NUDT18: variants seen among roughly 807,000 people sequenced by gnomAD.
NUDT18 encodes 8-oxo-dGDP phosphatase NUDT18.
Under a neutral mutation model 27.6 loss-of-function variants are expected in NUDT18, and 26 were observed. That is an observed-to-expected ratio of 0.94 (90% CI 0.69 to 1.31). The LOEUF is 1.31. Among genes scored for constraint, NUDT18 ranks in the 50% most tolerant of loss-of-function variants. NUDT18 has a pLI of 0.00. For missense variants in NUDT18, 450 were observed against 433.4 expected (o/e 1.04, Z -0.34); for synonymous variants, 220 against 196.9 (o/e 1.12, Z -0.98).
chr8:22,108,075 G>T, intron 2 of NUDT18, 58 bp downstream of exon 2: 1 of 1,433,388 alleles, frequency 7.0e-7, no homozygotes. Context: ...ACCTCACCGA[G>T]GAGCTGGGGG....
At chr8:22,108,905 G>A (rs750470013) in intron 1 of NUDT18, among the ~76,000 whole-genome samples, 53 of 152,232 alleles carry the variant, frequency 3.5e-4, no homozygotes, top group Admixed American at 1.2e-3. Flanking sequence ...AGACTCTGGG[G>A]AAGGGAAGGA....
Position 22,107,202 on chromosome 8 carries a change from A to AGATCCCT in NUDT18, c.*91_*97dup. 1 of 902,466 alleles carries AGATCCCT rather than the reference A, an allele frequency of 1.1e-6. No homozygotes were observed. The highest frequency in any genetic ancestry group is 1.7e-6 in the Non-Finnish European group (1 of 599,862). 55.9% of individuals were successfully genotyped at this position (902,466 alleles called of 1,614,324 possible). A position where few individuals can be genotyped will look rare whatever the true frequency, so the allele number is the denominator to read the frequency against. ...AGCCGCCCCTGCTCCCAATGCAACA[A>AGATCCCT]GATCCCTGATCGCCAGCCTCTTGCC... On this transcript the variant is annotated 3_prime_UTR_variant, in exon 3 of 3. Coordinates refer to ENST00000611621, the MANE Select transcript of NUDT18 (RefSeq NM_024815.4).
chr8:22,108,454 C>T (rs1826407723), intron 1 of NUDT18, 108 bp from the exon 2 acceptor site: 2 of 966,662 alleles, frequency 2.1e-6, no homozygotes, highest in East Asian at 2.8e-5. Flanking sequence ...TGGACACTCT[C>T]AACCCAGCTA....
At chr8:22,107,924 G>A in intron 2 of NUDT18, 29 bp from the exon 3 acceptor site, 6 of 1,527,160 alleles carry the variant, frequency 3.9e-6, no homozygotes, top group Non-Finnish European at 4.4e-6. Context: ...ATGGGGCAGG[G>A]AGGGTCTGTG....
chr8:22,108,128 C>A lies in NUDT18; in HGVS notation c.376+5G>T. ...CTGTTCACACTGCCTCCAGGTGGGC[C>A]ATACCTGTGGGGCGAGCGAGGAACA... On this transcript the variant is annotated splice_donor_5th_base_variant and intron_variant, in intron 2 of 2. Transcript: ENST00000611621. 1 of 1,506,438 alleles carries A rather than the reference C, an allele frequency of 6.6e-7. No homozygotes were observed. The highest frequency in any genetic ancestry group is 8.9e-7 in the Non-Finnish European group (1 of 1,127,934). 93.3% of individuals were successfully genotyped at this position (1,506,438 alleles called of 1,614,324 possible). A position where few individuals can be genotyped will look rare whatever the true frequency, so the allele number is the denominator to read the frequency against.
At position 22,108,177 on chromosome 8, in the gene NUDT18, C is replaced by T. The variant is rs764155632; in HGVS notation, c.332G>A (p.Arg111Gln). 2 of 1,570,400 alleles carry T rather than the reference C, an allele frequency of 1.3e-6. No homozygotes were observed. Among genetic ancestry groups the T allele is most frequent in the East Asian group, 2.3e-5 (1 of 43,606 alleles). ...EPETLLSVEE[R>Q]GPSWVRFVFL... ...CACGAAGCGGACCCAGGAGGGGCCC[C>T]GCTCCTCCACGGACAGCAGTGTCTC... Residue 111 changes from arginine (R) to glutamine (Q), a missense_variant, in exon 2 of 3, where the codon CGG becomes CAG. Arg to Gln is a conservative substitution (Grantham distance 43). Coordinates refer to ENST00000611621, the MANE Select transcript of NUDT18 (RefSeq NM_024815.4).
In NUDT18 at chr8:22,109,342, A is replaced by C. The variant is rs769967120; in HGVS notation, c.-42T>G. 20 of 1,325,174 alleles carry C rather than the reference A, an allele frequency of 1.5e-5. No homozygotes were observed. The South Asian group carries it at 3.7e-4, about 24-fold the overall frequency. 82.1% of individuals were successfully genotyped at this position (1,325,174 alleles called of 1,614,324 possible). The stretch of plus-strand genomic sequence containing the variant: ...CGGCGGGCCGGATCCTCGCAGACCG[A>C]CTGAGCCGAGCCGCGGGCTAGAGTG... On this transcript the variant is annotated 5_prime_UTR_variant, in exon 1 of 3. Transcript: ENST00000611621.
Position 22,108,193 on chromosome 8 carries a change from G to T in NUDT18, c.316C>A (p.Leu106Met). ...GAGGGGCCCCGCTCCTCCACGGACA[G>T]CAGTGTCTCGGGCTCACAGTGCAGC... is the stretch of plus-strand genomic sequence containing the variant. ...AGLHCEPETL[L>M]SVEERGPSWV... The change falls in exon 2 of 3, where the codon CTG becomes ATG. Residue 106 changes from leucine (L) to methionine (M), a missense_variant. Physicochemically the swap from Leu to Met is conservative, Grantham distance 15. Transcript: ENST00000611621. 6.3e-7 allele frequency: 1 copy of T among 1,586,868 alleles called. No homozygotes were observed. The highest frequency in any genetic ancestry group is 1.8e-5 in the Admixed American group (1 of 55,138).
chr8:22,108,181 C>T lies in NUDT18; in HGVS notation c.328G>A (p.Glu110Lys), dbSNP rs887280786. 3.8e-6 allele frequency: 6 copies of T among 1,576,690 alleles called. No homozygotes were observed. Among genetic ancestry groups the T allele is most frequent in the Non-Finnish European group, 5.2e-6 (6 of 1,162,716 alleles). Reference sequence around the variant, plus strand: ...AAGCGGACCCAGGAGGGGCCCCGCTCCTCCACGGACAGCAGTGTCTCGGGC... The same window carrying T: ...AAGCGGACCCAGGAGGGGCCCCGCTTCTCCACGGACAGCAGTGTCTCGGGC... ...CEPETLLSVE[E>K]RGPSWVRFVF... Residue 110 changes from glutamate (E) to lysine (K), a missense_variant, in exon 2 of 3, where the codon GAG (glutamate) becomes AAG (lysine). Coordinates refer to ENST00000611621, the MANE Select transcript of NUDT18 (RefSeq NM_024815.4).
Position 22,107,411 on chromosome 8 carries a change from G to C in NUDT18, c.861C>G (p.Pro287=). The C allele has an allele frequency of 1.2e-6, 2 of 1,613,442 alleles. No homozygotes were observed. Among genetic ancestry groups the C allele is most frequent in the Non-Finnish European group, 1.7e-6 (2 of 1,179,856 alleles). The part of the protein sequence containing the change: ...AFRSPGIQDE[P]PKVRGENFSW... ...AGAAGTTCTCACCCCGAACTTTTGG[G>C]GGTTCATCCTGGATCCCTGGGCTCC... Residue 287 remains proline, a synonymous_variant, in exon 3 of 3, where the codon CCC becomes CCG. Coordinates refer to ENST00000611621, the MANE Select transcript of NUDT18 (RefSeq NM_024815.4).
At chr8:22,109,852 C>A (rs976403168), upstream of NUDT18, 1 of 418,860 alleles carries the variant, frequency 2.4e-6, no homozygotes, top group Non-Finnish European at 4.9e-6. Context: ...TTGATCATAT[C>A]CCAAATACCT....
At position 22,107,090 on chromosome 8, in the gene NUDT18, C is replaced by G. The variant is rs1189367229; in HGVS notation, c.*210G>C. On this transcript the variant is annotated 3_prime_UTR_variant, in exon 3 of 3. Coordinates refer to ENST00000611621, the MANE Select transcript of NUDT18 (RefSeq NM_024815.4). ...GCCCTCAGGGTAGTCAGGTCCTGAG[C>G]TTTGGACTCCTCGCTTGGTTAAAGG... 12 of 562,448 alleles carry G rather than the reference C, an allele frequency of 2.1e-5. No individual in the cohort carries two copies. Among genetic ancestry groups the G allele is most frequent in the Middle Eastern group, 4.7e-4 (1 of 2,122 alleles). The allele number at this position is 562,448 out of a possible 1,614,324, so 34.8% of individuals were successfully genotyped here. A position where few individuals can be genotyped will look rare whatever the true frequency, so the allele number is the denominator to read the frequency against.
upstream of NUDT18, among the ~76,000 whole-genome samples, chr8:22,110,365 AG>A (rs528705498): frequency 3.4e-3 from 511 of 152,356 alleles, 1 homozygote; most frequent in Non-Finnish European, 5.6e-3. Flanking sequence ...TGGAAGGCAA[AG>A]CCAGCTGGAA....
chr8:22,109,457 G>A (rs1193497161), upstream of NUDT18: 9 of 599,254 alleles, frequency 1.5e-5, no homozygotes, highest in East Asian at 2.6e-4. Context: ...GCGCACGCGA[G>A]CTCTGGCCGC....
rs898515547 is a variant in NUDT18, at chr8:22,107,722, G to C, written c.550C>G (p.Pro184Ala). The C allele has an allele frequency of 6.2e-7, 1 of 1,613,614 alleles. No homozygotes were observed. Among genetic ancestry groups the C allele is most frequent in the Non-Finnish European group, 8.5e-7 (1 of 1,179,834 alleles). The change falls in exon 3 of 3, where the codon CCC (proline) becomes GCC (alanine). Residue 184 changes from proline (P) to alanine (A), a missense_variant. Physicochemically the swap from Pro to Ala is conservative, Grantham distance 27 (BLOSUM62 -1). Transcript: ENST00000611621. Reference protein sequence around the residue: ...RHPLILPQELPCDLVCQRLVA... With the variant: ...RHPLILPQELACDLVCQRLVA... ...AGCCGCTGGCAGACCAGATCACAGG[G>C]TAGCTCTTGGGGCAGAATGAGAGGG...
rs1826422357 is a variant in NUDT18 at position 22,109,222 on chromosome 8, C to G, written c.79G>C (p.Ala27Pro). 4.9e-6 allele frequency: 7 copies of G among 1,441,616 alleles called. No homozygotes were observed. Among genetic ancestry groups the G allele is most frequent in the Non-Finnish European group, 6.3e-6 (7 of 1,107,182 alleles). 89.3% of individuals were successfully genotyped at this position (1,441,616 alleles called of 1,614,324 possible). Residue 27 changes from alanine to proline, a missense_variant, in exon 1 of 3, where the codon GCG (alanine) becomes CCG (proline). By Grantham distance (27) the Ala-to-Pro change is conservative. Transcript: ENST00000611621. ...QGSSVHSCDS[A>P]PAGEPPAPVR... ...GGCGCCGGCGGCTCCCCGGCCGGCG[C>G]CGAGTCGCAGCTGTGCACGCTGGAC... is the stretch of plus-strand genomic sequence containing the variant.
rs1158531780 is a variant in NUDT18 at position 22,109,192 on chromosome 8, G to T, written c.109C>A (p.Arg37=). 3.4e-6 allele frequency: 5 copies of T among 1,450,516 alleles called. No individual in the cohort carries two copies. The highest frequency in any genetic ancestry group is 4.5e-6 in the Non-Finnish European group (5 of 1,111,054). 89.9% of individuals were successfully genotyped at this position (1,450,516 alleles called of 1,614,324 possible). The change falls in exon 1 of 3, where the codon CGG becomes AGG. Residue 37 remains arginine, a synonymous_variant. Transcript: ENST00000611621. ...APAGEPPAPV[R]LRKNVCYVVL... Reference sequence around the variant, plus strand: ...ACGTAGCACACGTTCTTCCGCAGCCGCACGGGCGCCGGCGGCTCCCCGGCC... The same window carrying T: ...ACGTAGCACACGTTCTTCCGCAGCCTCACGGGCGCCGGCGGCTCCCCGGCC...
In NUDT18 at chr8:22,109,343, C is replaced by A; in HGVS notation, c.-43G>T. ...GGCGGGCCGGATCCTCGCAGACCGA[C>A]TGAGCCGAGCCGCGGGCTAGAGTGC... On this transcript the variant is annotated 5_prime_UTR_variant, in exon 1 of 3. Coordinates refer to ENST00000611621, the MANE Select transcript of NUDT18 (RefSeq NM_024815.4). 1 of 1,018,662 alleles carries A rather than the reference C, an allele frequency of 9.8e-7. No homozygotes were observed. Among genetic ancestry groups the A allele is most frequent in the Non-Finnish European group, 1.2e-6 (1 of 801,730 alleles). The allele number at this position is 1,018,662 out of a possible 1,614,324, so 63.1% of individuals were successfully genotyped here.
At position 22,109,123 on chromosome 8, in the gene NUDT18, G is replaced by A. The variant is rs1563610622; in HGVS notation, c.162+16C>T. 2 of 1,404,488 alleles carry A rather than the reference G, an allele frequency of 1.4e-6. No homozygotes were observed. Among genetic ancestry groups the A allele is most frequent in the African/African-American group, 1.5e-5 (1 of 65,304 alleles). 87.0% of individuals were successfully genotyped at this position (1,404,488 alleles called of 1,614,324 possible). ...CGCGCTCCCGAGGCCCGGCGGGCCC[G>A]GGGGCGGCCGCTCACCTGCTCGCTG... On this transcript the variant is annotated intron_variant, in intron 1 of 2. Coordinates refer to ENST00000611621, the MANE Select transcript of NUDT18 (RefSeq NM_024815.4).
Sources: gnomAD v4.1 joint callset for allele counts (sites outside exome capture counted in the v4.1 genomes callset) on GRCh38, gnomAD v4.1.1 for gene constraint, MANE v1.5 for transcripts, NCBI Gene and HGNC (gene_info 2026-07-23, HGNC 2026-07-21) for gene names.